RPA3: variants seen among roughly 807,000 people sequenced by gnomAD.
RPA3 encodes the protein replication protein A3, also known as replication protein A 14 kDa subunit.
RPA3 carries 24 observed loss-of-function variants against 13.7 expected under a neutral mutation model. The observed-to-expected ratio is 1.75, with a 90% confidence interval of 1.27 to 2.46. The LOEUF (loss-of-function observed/expected upper bound fraction) is 2.46, where lower values mean the gene tolerates loss of function less well. RPA3 is among the 30% of genes most tolerant of loss of function. The probability of loss-of-function intolerance (pLI) is 0.00; values close to 1 mark genes in which losing one functional copy is unlikely to be tolerated. For missense variants in RPA3, 183 were observed against 151.0 expected (o/e 1.21, Z -1.11); for synonymous variants, 59 against 51.2 (o/e 1.15, Z -0.65).
At chr7:7,677,811 C>G (rs1430717495) in intron 4 of RPA3, among the ~76,000 whole-genome samples, 15 of 149,200 alleles carry the variant, frequency 1.0e-4, no homozygotes, top group African/African-American at 3.4e-4. Flanking sequence ...GTAGCTGGGA[C>G]TACAGGCGCC....
chr7:7,674,312 C>G (rs1779685295), intron 4 of RPA3, among the ~76,000 whole-genome samples: 1 of 152,210 alleles, frequency 6.6e-6, no homozygotes. Flanking sequence ...CCCCATCAGA[C>G]TGGCATCTGC....
intron 2 of RPA3, among the ~76,000 whole-genome samples, 172 bp from the exon 3 acceptor site, chr7:7,687,500 G>C (rs1780066824): frequency 6.6e-6 from 1 of 152,192 alleles, no homozygotes; most frequent in Non-Finnish European, 1.5e-5. Context: ...CACCCTGCCA[G>C]GGCCACATAT....
At position 7,640,553 on chromosome 7, in the gene RPA3, C is replaced by T. The variant is rs1335265388; in HGVS notation, c.-135G>A. The T allele has an allele frequency of 5.2e-6, 4 of 773,680 alleles. No individual in the cohort carries two copies. Among genetic ancestry groups the T allele is most frequent in the Admixed American group, 2.4e-5 (1 of 42,114 alleles). 47.9% of individuals were successfully genotyped at this position (773,680 alleles called of 1,614,324 possible). On this transcript the variant is annotated 5_prime_UTR_variant, in exon 5 of 8. Coordinates refer to ENST00000223129, the MANE Select transcript of RPA3 (RefSeq NM_002947.5). ...GCTCCAGCTTCGCCAATTAAATGCG[C>T]GGAAACCTAAATCGCAATCGCGCTG...
At chr7:7,655,960 C>T (rs188480702) in intron 4 of RPA3, among the ~76,000 whole-genome samples, 170 of 152,106 alleles carry the variant, frequency 1.1e-3, no homozygotes, top group African/African-American at 3.7e-3. Context: ...CTCAGCCTTC[C>T]GAGTAGCTGG....
chr7:7,645,279 A>G (rs1175976647), intron 4 of RPA3, among the ~76,000 whole-genome samples: 1 of 152,228 alleles, frequency 6.6e-6, no homozygotes, highest in Non-Finnish European at 1.5e-5. Flanking sequence ...GTTTAAGTCA[A>G]GATGGGGTTT....
chr7:7,655,629 T>C (rs1264961870), intron 4 of RPA3, among the ~76,000 whole-genome samples: 5 of 152,208 alleles, frequency 3.3e-5, no homozygotes, highest in African/African-American at 1.2e-4. Flanking sequence ...TAAGGTTATA[T>C]TAGAGAAGTT....
chr7:7,707,489 A>G (rs780862509), intron 2 of RPA3, among the ~76,000 whole-genome samples: 7 of 152,182 alleles, frequency 4.6e-5, no homozygotes, highest in Non-Finnish European at 1.0e-4. Flanking sequence ...TGGGAATGCC[A>G]TATGCTCTCA....
At chr7:7,687,751 A>G (rs1390194987) in intron 2 of RPA3, among the ~76,000 whole-genome samples, 2 of 152,242 alleles carry the variant, frequency 1.3e-5, no homozygotes, top group East Asian at 1.9e-4. Context: ...ATACACACAC[A>G]TATTTTTAAT....
chr7:7,700,362 A>C (rs1006174393), intron 2 of RPA3, among the ~76,000 whole-genome samples: 4 of 152,188 alleles, frequency 2.6e-5, no homozygotes, highest in African/African-American at 9.7e-5. Flanking sequence ...GTAGGATTTC[A>C]TTTCATGAAT....
intron 4 of RPA3, among the ~76,000 whole-genome samples, chr7:7,649,757 A>G (rs566773514): frequency 1.3e-5 from 2 of 151,958 alleles, no homozygotes; most frequent in South Asian, 2.1e-4. Flanking sequence ...CCCCCACCCA[A>G]TTCATATGCT....
At chr7:7,692,432 G>A (rs1189619128) in intron 2 of RPA3, 1 of 152,146 alleles carries the variant, frequency 6.6e-6, no homozygotes, top group African/African-American at 2.4e-5. Flanking sequence ...TAGGCAAATG[G>A]ATTGAATGCT....
chr7:7,645,087 A>G (rs994316972), intron 4 of RPA3, among the ~76,000 whole-genome samples: 2 of 152,166 alleles, frequency 1.3e-5, no homozygotes, highest in African/African-American at 4.8e-5. Flanking sequence ...TAAAGATTTT[A>G]ACTGATTGTT....
chr7:7,661,032 A>G (rs750739556), intron 4 of RPA3, among the ~76,000 whole-genome samples: 3 of 151,382 alleles, frequency 2.0e-5, no homozygotes, highest in Non-Finnish European at 4.4e-5. Context: ...TTTGTTTTCT[A>G]ATCTTGTCTT....
chr7:7,677,964 C>T (rs949058907), intron 4 of RPA3, among the ~76,000 whole-genome samples: 7 of 152,258 alleles, frequency 4.6e-5, no homozygotes, highest in African/African-American at 1.2e-4. Context: ...TGAGCCACCG[C>T]GCCCGGCCTA....
intron 4 of RPA3, among the ~76,000 whole-genome samples, chr7:7,646,407 C>G (rs953160444): frequency 6.6e-6 from 1 of 151,470 alleles, no homozygotes. Context: ...CAGTTTCCCC[C>G]ATACTGTTCT....
At chr7:7,666,382 T>G (rs1418160050) in intron 4 of RPA3, among the ~76,000 whole-genome samples, 2 of 151,994 alleles carry the variant, frequency 1.3e-5, no homozygotes, top group Admixed American at 1.3e-4. Context: ...TTTTGTATTT[T>G]TTTGTAGTAG....
chr7:7,651,768 G>T (rs1457684358), intron 4 of RPA3, among the ~76,000 whole-genome samples: 2 of 152,140 alleles, frequency 1.3e-5, no homozygotes, highest in African/African-American at 4.8e-5. Context: ...GTGGAAATTG[G>T]GTCTTCCGAG....
At chr7:7,685,672 T>A (rs1780027590) in intron 4 of RPA3, among the ~76,000 whole-genome samples, 158 bp downstream of exon 4, 1 of 152,220 alleles carries the variant, frequency 6.6e-6, no homozygotes, top group Non-Finnish European at 1.5e-5. Flanking sequence ...GTTTCTCAAG[T>A]TGCCTGCCTG....
rs1784943922 is a variant in RPA3 at position 7,640,574 on chromosome 7, C to G, written c.-156G>C. On this transcript the variant is annotated 5_prime_UTR_variant, in exon 5 of 8. Transcript: ENST00000223129. ...TGCGCGGAAACCTAAATCGCAATCG[C>G]GCTGTCTCTGAAAGGGGTGGAGAAG... is the stretch of plus-strand genomic sequence containing the variant. 1.5e-6 allele frequency: 1 copy of G among 673,882 alleles called. No homozygotes were observed. Among genetic ancestry groups the G allele is most frequent in the South Asian group, 1.7e-5 (1 of 57,854 alleles). 41.7% of individuals were successfully genotyped at this position (673,882 alleles called of 1,614,324 possible).
Sources: allele counts gnomAD v4.1 joint callset (sites outside exome capture counted in the v4.1 genomes callset), GRCh38; gene constraint gnomAD v4.1.1; transcripts MANE v1.5; gene names NCBI Gene and HGNC (gene_info 2026-07-23, HGNC 2026-07-21).